PTPRD: variants seen among roughly 807,000 people sequenced by gnomAD.
PTPRD encodes the protein receptor-type tyrosine-protein phosphatase delta.
Under a neutral mutation model 214.5 loss-of-function variants are expected in PTPRD, and 34 were observed. The ratio of observed to expected loss-of-function variants is 0.16; its 90% CI spans 0.12 to 0.21. The LOEUF is 0.21. PTPRD is among the 10% of genes least tolerant of loss of function. PTPRD has a pLI of 1.00. For missense variants in PTPRD, 2,545 were observed against 2,398.7 expected (o/e 1.06, Z -1.27); for synonymous variants, 1,128 against 845.7 (o/e 1.33, Z -5.79).
chr9:10,057,481 C>T (rs773242512), intron 3 of PTPRD, among the ~76,000 whole-genome samples: 1 of 146,216 alleles, frequency 6.8e-6, no homozygotes, highest in African/African-American at 2.7e-5. Context: ...CTTTCATAGA[C>T]CTAAGGACAT....
chr9:9,141,304 T>C (rs773666141), intron 10 of PTPRD, among the ~76,000 whole-genome samples: 11 of 150,660 alleles, frequency 7.3e-5, no homozygotes, highest in Non-Finnish European at 1.3e-4. Flanking sequence ...TCCTGAGTCA[T>C]TTCATGGAAC....
chr9:10,447,887 G>A (rs903266406), intron 2 of PTPRD, among the ~76,000 whole-genome samples: 1 of 152,022 alleles, frequency 6.6e-6, no homozygotes, highest in African/African-American at 2.4e-5. Context: ...CACATTAACA[G>A]AGAAACTTGA....
At chr9:9,356,176 G>T (rs1312500718) in intron 9 of PTPRD, among the ~76,000 whole-genome samples, 2 of 151,402 alleles carry the variant, frequency 1.3e-5, no homozygotes, top group Non-Finnish European at 3.0e-5. Flanking sequence ...CCAAGGAATA[G>T]GGAGAGTGAA....
rs188696473 is a variant in PTPRD at position 8,654,470 on chromosome 9, C to A, written c.65-17626G>T. On this transcript the variant is annotated intron_variant, in intron 12 of 45. Transcript: ENST00000381196. Reference sequence around the variant, plus strand: ...CGAGTTCATAAGATTTAAGCATATACCCTGTACATATGAGCATATTTGGTT... The same window carrying A: ...CGAGTTCATAAGATTTAAGCATATAACCTGTACATATGAGCATATTTGGTT... Among the ~76,000 whole-genome samples, 8 of 152,126 alleles carry A rather than the reference C, an allele frequency of 5.3e-5. No homozygotes were observed. In the East Asian group the frequency reaches 1.4e-3, roughly 26 times the overall value.
chr9:8,745,164 C>T (rs2092650361), intron 11 of PTPRD, among the ~76,000 whole-genome samples: 1 of 152,162 alleles, frequency 6.6e-6, no homozygotes, highest in Non-Finnish European at 1.5e-5. Context: ...TTGGGCAACC[C>T]TCTCATTTAA....
chr9:9,511,649 G>C (rs958395973), intron 8 of PTPRD, among the ~76,000 whole-genome samples: 11 of 151,540 alleles, frequency 7.3e-5, no homozygotes, highest in African/African-American at 1.5e-4. Context: ...TATGACTTGA[G>C]TTCTCATAAA....
At chr9:9,037,586 T>C (rs1174668388) in intron 10 of PTPRD, among the ~76,000 whole-genome samples, 1 of 152,160 alleles carries the variant, frequency 6.6e-6, no homozygotes, top group East Asian at 1.9e-4. Flanking sequence ...TGAGGATTCT[T>C]TACCAGGAGA....
At chr9:9,651,826 GTT>G (rs869105633) in intron 7 of PTPRD, among the ~76,000 whole-genome samples, 641 of 54,982 alleles carry the variant, frequency 0.012, 2 homozygotes, top group African/African-American at 0.047. Context: ...TTCAAGGTTT[GTT>G]TTTTTTTTTT....
At chr9:10,600,131 C>A (rs10809131) in intron 2 of PTPRD, among the ~76,000 whole-genome samples, 2 of 151,444 alleles carry the variant, frequency 1.3e-5, no homozygotes, top group South Asian at 2.1e-4. Flanking sequence ...TCTGGATTAC[C>A]TTTCCTAAGA....
intron 7 of PTPRD, among the ~76,000 whole-genome samples, chr9:9,661,737 T>C (rs2096625809): frequency 6.6e-6 from 1 of 151,776 alleles, no homozygotes; most frequent in African/African-American, 2.4e-5. Context: ...TGTAAGATGT[T>C]TACATTTTAG....
chr9:10,252,386 C>T (rs1595401313), intron 3 of PTPRD, among the ~76,000 whole-genome samples: 1 of 152,030 alleles, frequency 6.6e-6, no homozygotes, highest in African/African-American at 2.4e-5. Context: ...GTTATGTGTA[C>T]ACTTTCAAGC....
chr9:10,084,670 T>C (rs2098299597), intron 3 of PTPRD, among the ~76,000 whole-genome samples: 1 of 151,846 alleles, frequency 6.6e-6, no homozygotes, highest in Non-Finnish European at 1.5e-5. Flanking sequence ...AATAATATTT[T>C]TTTTTAGGTT....
At chr9:8,919,534 G>C (rs1417665303) in intron 11 of PTPRD, among the ~76,000 whole-genome samples, 1 of 151,916 alleles carries the variant, frequency 6.6e-6, no homozygotes, top group Non-Finnish European at 1.5e-5. Flanking sequence ...AATTAGCTTA[G>C]CAAAACCTGC....
chr9:8,531,721 C>T (rs140131959), intron 14 of PTPRD, among the ~76,000 whole-genome samples: 10 of 152,198 alleles, frequency 6.6e-5, no homozygotes, highest in Admixed American at 3.3e-4. Context: ...CTAGTCATTA[C>T]TTTTCTTCTA....
At chr9:8,669,534 T>C (rs2097237429) in intron 12 of PTPRD, among the ~76,000 whole-genome samples, 1 of 152,054 alleles carries the variant, frequency 6.6e-6, no homozygotes, top group Admixed American at 6.6e-5. Context: ...TTCTCCCATA[T>C]AAAAAGACAC....
chr9:9,748,809 C>T (rs2098484265), intron 6 of PTPRD, among the ~76,000 whole-genome samples: 1 of 152,204 alleles, frequency 6.6e-6, no homozygotes, highest in African/African-American at 2.4e-5. Flanking sequence ...ATGTCAACCT[C>T]TGGAAATGTA....
intron 39 of PTPRD, among the ~76,000 whole-genome samples, chr9:8,365,936 C>T (rs1276112643): frequency 2.6e-5 from 4 of 152,106 alleles, no homozygotes; most frequent in East Asian, 3.9e-4. Flanking sequence ...CACAGACTTG[C>T]GAGAAAAAAC....
At chr9:10,337,623 A>G (rs2096866743) in intron 3 of PTPRD, among the ~76,000 whole-genome samples, 1 of 151,806 alleles carries the variant, frequency 6.6e-6, no homozygotes, top group South Asian at 2.1e-4. Flanking sequence ...TTTTATATGT[A>G]ATTAAAACAA....
intron 2 of PTPRD, among the ~76,000 whole-genome samples, chr9:10,559,504 A>C (rs534737535): frequency 7.3e-4 from 111 of 152,256 alleles, no homozygotes; most frequent in African/African-American, 2.6e-3. Flanking sequence ...GATACACACT[A>C]AGCTTTCTTT....
Sources: allele counts gnomAD v4.1 joint callset (sites outside exome capture counted in the v4.1 genomes callset), GRCh38; gene constraint gnomAD v4.1.1; transcripts MANE v1.5; gene names NCBI Gene and HGNC (gene_info 2026-07-23, HGNC 2026-07-21).